Variants in TMEFF2 observed in about 807,000 individuals in gnomAD.
TMEFF2 encodes the protein tomoregulin-2.
A neutral mutation model predicts 53.8 loss-of-function variants in TMEFF2; 28 were observed. The observed-to-expected ratio is 0.52, with a 90% CI of 0.39 to 0.71. TMEFF2 has a LOEUF of 0.71. Among genes scored for constraint, TMEFF2 ranks in the 30% least tolerant of loss-of-function variants. The probability of loss-of-function intolerance (pLI) is 0.00; values close to 1 mark genes in which losing one functional copy is unlikely to be tolerated. For missense variants in TMEFF2, 353 were observed against 455.2 expected, an observed-to-expected ratio of 0.78 and a Z score of 2.04; for synonymous variants, 162 against 166.3, an observed-to-expected ratio of 0.97 and a Z score of 0.20.
intron 4 of TMEFF2, among the ~76,000 whole-genome samples, chr2:192,171,167 A>G (rs1690903869): frequency 1.3e-5 from 2 of 152,160 alleles, no homozygotes; most frequent in South Asian, 4.1e-4. Context: ...CAATATAAAA[A>G]TACCTTATGA....
At chr2:192,091,113 T>C (rs1213882769) in intron 4 of TMEFF2, among the ~76,000 whole-genome samples, 2 of 152,184 alleles carry the variant, frequency 1.3e-5, no homozygotes, top group African/African-American at 2.4e-5. Flanking sequence ...CCCAGATTCC[T>C]ACTCCAAGTA....
At chr2:192,052,453 C>T (rs996197224) in intron 5 of TMEFF2, among the ~76,000 whole-genome samples, 7 of 152,172 alleles carry the variant, frequency 4.6e-5, no homozygotes, top group African/African-American at 1.7e-4. Flanking sequence ...AGAGTTTCCA[C>T]TGACCTACTT....
At chr2:191,979,787 C>T (rs1685811606) in intron 7 of TMEFF2, among the ~76,000 whole-genome samples, 1 of 151,178 alleles carries the variant, frequency 6.6e-6, no homozygotes. Flanking sequence ...AACTAGGATC[C>T]ATTTTGTCAG....
intron 5 of TMEFF2, among the ~76,000 whole-genome samples, chr2:192,044,791 G>C (rs1687574352): frequency 6.6e-6 from 1 of 152,118 alleles, no homozygotes; most frequent in Non-Finnish European, 1.5e-5. Context: ...TTGAGAAACA[G>C]TTCTTAGTTT....
intron 4 of TMEFF2, among the ~76,000 whole-genome samples, chr2:192,123,811 T>C (rs539100071): frequency 1.3e-5 from 2 of 152,332 alleles, no homozygotes; most frequent in South Asian, 4.1e-4. Flanking sequence ...ATTTTCCTAC[T>C]TGGAAAAAAA....
intron 8 of TMEFF2, among the ~76,000 whole-genome samples, chr2:191,955,344 CATATATATTA>C (rs924846540): frequency 6.0e-5 from 9 of 150,682 alleles, no homozygotes; most frequent in African/African-American, 9.7e-5. Flanking sequence ...TATTTAAATA[CATATATATTA>C]ATATATATAT....
Position 192,076,642 on chromosome 2 carries a change from T to G in TMEFF2, c.440-18867A>C, listed in dbSNP as rs183757875. 5.9e-5 allele frequency among the ~76,000 whole-genome samples: 9 copies of G among 152,288 alleles called. No individual in the cohort carries two copies. In the South Asian group the frequency reaches 8.3e-4, roughly 14 times the overall value. ...CTTTTAAAAAAGCAGCAAGTTCATT[T>G]ATCCCATTTCTCCAATTCACTCCCT... On this transcript the variant is annotated intron_variant, in intron 4 of 9. Transcript: ENST00000272771.
intron 2 of TMEFF2, among the ~76,000 whole-genome samples, chr2:192,188,614 A>G (rs1248665432): frequency 6.6e-6 from 1 of 152,230 alleles, no homozygotes; most frequent in Non-Finnish European, 1.5e-5. Flanking sequence ...TACTAATAAG[A>G]ACATTTGTAG....
intron 4 of TMEFF2, among the ~76,000 whole-genome samples, chr2:192,077,445 G>A (rs1274601958): frequency 6.6e-6 from 1 of 152,036 alleles, no homozygotes; most frequent in Non-Finnish European, 1.5e-5. Flanking sequence ...AATCTACTGT[G>A]GAAAACTACA....
chr2:192,073,169 A>T (rs1449293272), intron 4 of TMEFF2, among the ~76,000 whole-genome samples: 1 of 151,992 alleles, frequency 6.6e-6, no homozygotes, highest in Non-Finnish European at 1.5e-5. Context: ...AAATGAAAAA[A>T]ATATTCAGGT....
chr2:192,097,785 T>C (rs558621472), intron 4 of TMEFF2, among the ~76,000 whole-genome samples: 1 of 152,308 alleles, frequency 6.6e-6, no homozygotes, highest in East Asian at 1.9e-4. Context: ...AGAGAATGTG[T>C]TTGCATTCAA....
At chr2:191,962,905 T>G (rs781031453) in intron 7 of TMEFF2, among the ~76,000 whole-genome samples, 2 of 152,194 alleles carry the variant, frequency 1.3e-5, no homozygotes, top group African/African-American at 2.4e-5. Context: ...ATGGTCCTTT[T>G]CAAACTTCAC....
At chr2:192,152,121 A>G (rs1160178569) in intron 4 of TMEFF2, among the ~76,000 whole-genome samples, 2 of 151,894 alleles carry the variant, frequency 1.3e-5, no homozygotes, top group African/African-American at 2.4e-5. Context: ...AAGAGCTGAG[A>G]GCACAAGGAT....
intron 4 of TMEFF2, among the ~76,000 whole-genome samples, chr2:192,125,847 G>T (rs1436671407): frequency 6.6e-6 from 1 of 152,162 alleles, no homozygotes; most frequent in Non-Finnish European, 1.5e-5. Context: ...CACATGTTGG[G>T]AAACAAGACA....
intron 4 of TMEFF2, among the ~76,000 whole-genome samples, chr2:192,141,402 G>T (rs1278711745): frequency 6.8e-6 from 1 of 146,750 alleles, no homozygotes; most frequent in Non-Finnish European, 1.5e-5. Context: ...GCAGTGAGCT[G>T]AGATTTTGCC....
chr2:191,961,237 AGT>A (rs1559061798), intron 7 of TMEFF2, among the ~76,000 whole-genome samples: 1 of 152,128 alleles, frequency 6.6e-6, no homozygotes, highest in African/African-American at 2.4e-5. Flanking sequence ...TCTTTTGTTT[AGT>A]GGACCTAAGT....
chr2:192,122,078 T>C (rs1344705231), intron 4 of TMEFF2, among the ~76,000 whole-genome samples: 1 of 152,112 alleles, frequency 6.6e-6, no homozygotes, highest in Non-Finnish European at 1.5e-5. Context: ...AAATAATAAA[T>C]ATTTCAGGTG....
chr2:191,975,901 C>G (rs1685713813), intron 7 of TMEFF2, among the ~76,000 whole-genome samples: 1 of 152,162 alleles, frequency 6.6e-6, no homozygotes, highest in Admixed American at 6.5e-5. Flanking sequence ...TCTCTTCAAG[C>G]TAGGACATTC....
intron 2 of TMEFF2, among the ~76,000 whole-genome samples, chr2:192,185,417 A>T (rs1399010973): frequency 6.6e-6 from 1 of 152,092 alleles, no homozygotes. Context: ...CAAGATTATT[A>T]TCTGTATATG....
Sources: allele counts gnomAD v4.1 joint callset (sites outside exome capture counted in the v4.1 genomes callset), GRCh38; gene constraint gnomAD v4.1.1; transcripts MANE v1.5; gene names NCBI Gene and HGNC (gene_info 2026-07-23, HGNC 2026-07-21).